The following INPP5A variants were observed in gnomAD, a reference collection of about 807,000 sequenced individuals.
The protein encoded by INPP5A is 43 kDa inositol polyphosphate 5-phophatase.
Under a neutral mutation model 65.2 loss-of-function variants are expected in INPP5A, and 14 were observed. The observed-to-expected ratio is 0.21, with a 90% confidence interval of 0.14 to 0.34. INPP5A has a LOEUF of 0.34. Among genes scored for constraint, INPP5A ranks in the 10% least tolerant of loss-of-function variants. The pLI, the probability that INPP5A is intolerant of heterozygous loss-of-function variation, is 1.00. For missense variants in INPP5A, 431 were observed against 545.6 expected, an observed-to-expected ratio of 0.79 and a Z score of 2.09; for synonymous variants, 207 against 208.3, an observed-to-expected ratio of 0.99 and a Z score of 0.05.
rs554573394 is a variant in INPP5A, at chr10:132,705,034, C to A, written c.475-3279C>A. ...GAAGGGCGTCTGGACAGGTGGCAGG[C>A]GGCTCGTCTGGAGTGCAGGCTGAGT... On this transcript the variant is annotated intron_variant, in intron 6 of 15. Coordinates refer to ENST00000368594, the MANE Select transcript of INPP5A (RefSeq NM_005539.5). The surrounding 1 kb of genome is among the most constrained non-coding windows in gnomAD (Gnocchi z 4.9). Among the ~76,000 whole-genome samples, 1 of 151,970 alleles carries A rather than the reference C, an allele frequency of 6.6e-6. No homozygotes were observed. Among genetic ancestry groups the A allele is most frequent in the Admixed American group, 6.5e-5 (1 of 15,270 alleles).
At chr10:132,589,040 G>A (rs1356174138) in intron 1 of INPP5A, among the ~76,000 whole-genome samples, 4 of 151,170 alleles carry the variant, frequency 2.6e-5, no homozygotes, top group Non-Finnish European at 5.9e-5. Flanking sequence ...GTGGTCCCAC[G>A]TTCTGGTGTG....
At chr10:132,642,020 A>C (rs936214929) in intron 2 of INPP5A, among the ~76,000 whole-genome samples, 2 of 152,236 alleles carry the variant, frequency 1.3e-5, no homozygotes, top group Non-Finnish European at 2.9e-5. Context: ...TTCAGGGCTC[A>C]TGGTCCAGTG....
At chr10:132,731,164 G>A (rs1237578246) in intron 9 of INPP5A, among the ~76,000 whole-genome samples, 1 of 152,218 alleles carries the variant, frequency 6.6e-6, no homozygotes, top group African/African-American at 2.4e-5. Context: ...CAATCCCAGG[G>A]AAGAGTCAGG....
intron 4 of INPP5A, among the ~76,000 whole-genome samples, chr10:132,656,393 G>A (rs1429945651): frequency 2.0e-5 from 3 of 152,234 alleles, no homozygotes; most frequent in African/African-American, 7.2e-5. Flanking sequence ...TCGGGAGAGG[G>A]CTGAGAAGGT....
intron 1 of INPP5A, among the ~76,000 whole-genome samples, chr10:132,543,999 T>G (rs2070937765): frequency 6.6e-6 from 1 of 152,258 alleles, no homozygotes; most frequent in Non-Finnish European, 1.5e-5. Flanking sequence ...AGTCTTGGCA[T>G]TGCTGGGTGA....
intron 11 of INPP5A, among the ~76,000 whole-genome samples, chr10:132,759,557 A>G (rs1262034633): frequency 6.6e-6 from 1 of 151,932 alleles, no homozygotes; most frequent in Admixed American, 6.6e-5. Context: ...GGGGCCCAGC[A>G]TCGGAAGTTC....
chr10:132,774,482 G>A lies in INPP5A; in HGVS notation c.978-3189G>A, dbSNP rs552980488. 3.9e-5 allele frequency among the ~76,000 whole-genome samples: 6 copies of A among 152,340 alleles called. No homozygotes were observed. In the East Asian group the frequency reaches 7.7e-4, roughly 20 times the overall value. On this transcript the variant is annotated intron_variant, in intron 12 of 15. Transcript: ENST00000368594. Reference sequence around the variant, plus strand: ...TCTGAGCACAGCTCGGGGAGTTGGCGTGAACTGTCGCCGTTCACTTGTGGT... The same window carrying A: ...TCTGAGCACAGCTCGGGGAGTTGGCATGAACTGTCGCCGTTCACTTGTGGT...
chr10:132,653,155 G>A (rs1292862561), intron 4 of INPP5A, among the ~76,000 whole-genome samples: 2 of 152,212 alleles, frequency 1.3e-5, no homozygotes, highest in East Asian at 1.9e-4. Context: ...ATACCTGAGA[G>A]CGAGGCACAC....
chr10:132,558,507 G>A (rs1481119044), intron 1 of INPP5A, among the ~76,000 whole-genome samples: 3 of 152,220 alleles, frequency 2.0e-5, no homozygotes, highest in African/African-American at 7.2e-5. Context: ...TCCCTCTGGG[G>A]GCGGGTGGTC....
At chr10:132,701,030 C>G (rs1845428158) in intron 6 of INPP5A, among the ~76,000 whole-genome samples, 1 of 152,204 alleles carries the variant, frequency 6.6e-6, no homozygotes, top group South Asian at 2.1e-4. Context: ...CGGCTGCAAG[C>G]TCTCATGAAG....
intron 1 of INPP5A, 71 bp from the exon 2 acceptor site, chr10:132,607,844 A>G: frequency 6.9e-7 from 1 of 1,449,454 alleles, no homozygotes; most frequent in Admixed American, 1.7e-5. Context: ...TCTTCACAGG[A>G]GCTTGTCCTG....
At chr10:132,567,024 C>T (rs1013579214) in intron 1 of INPP5A, among the ~76,000 whole-genome samples, 2 of 152,236 alleles carry the variant, frequency 1.3e-5, no homozygotes, top group South Asian at 2.1e-4. Flanking sequence ...GGTATTAGTC[C>T]GGCTCCTGTA....
intron 1 of INPP5A, among the ~76,000 whole-genome samples, chr10:132,588,480 T>G (rs1388570055): frequency 1.3e-5 from 2 of 152,248 alleles, no homozygotes; most frequent in African/African-American, 4.8e-5. Context: ...TGCAATGTAT[T>G]TATGGCTGCA....
At chr10:132,643,991 C>T (rs1480824700) in intron 2 of INPP5A, among the ~76,000 whole-genome samples, 4 of 152,156 alleles carry the variant, frequency 2.6e-5, no homozygotes, top group Non-Finnish European at 2.9e-5. Context: ...CCCTCGGACA[C>T]CACAACAAAA....
Position 132,727,876 on chromosome 10 carries a change from G to A in INPP5A, c.732+971G>A, listed in dbSNP as rs368172623. Among the ~76,000 whole-genome samples the A allele has an allele frequency of 3.3e-5, 5 of 152,168 alleles. No homozygotes were observed. The highest frequency in any genetic ancestry group is 2.9e-5 in the Non-Finnish European group (2 of 68,026). On this transcript the variant is annotated intron_variant, in intron 9 of 15. Transcript: ENST00000368594. The surrounding 1 kb of genome is among the most constrained non-coding windows in gnomAD (Gnocchi z 6.5). The stretch of plus-strand genomic sequence containing the variant: ...GACACAGTGAGTTGGATGGGAACAC[G>A]GTGAGTCGAACGGGGACATGGCGGT...
intron 9 of INPP5A, among the ~76,000 whole-genome samples, chr10:132,747,948 G>A (rs1426526968): frequency 6.6e-6 from 1 of 152,146 alleles, no homozygotes; most frequent in African/African-American, 2.4e-5. Flanking sequence ...TACTCGAGGG[G>A]CTGAGGTGGG....
chr10:132,591,442 G>A lies in INPP5A; in HGVS notation c.76-16473G>A, dbSNP rs1206143327. 3.3e-5 allele frequency among the ~76,000 whole-genome samples: 5 copies of A among 152,244 alleles called. No homozygotes were observed. In the South Asian group the frequency reaches 8.3e-4, roughly 25 times the overall value. On this transcript the variant is annotated intron_variant, in intron 1 of 15. Coordinates refer to ENST00000368594, the MANE Select transcript of INPP5A (RefSeq NM_005539.5). ...AGAGGACTGACAGCTCTATGGCGCC[G>A]AGTCATGGTCCCTGGAAACAAGAGA...
At chr10:132,764,903 G>A (rs1475704220) in intron 11 of INPP5A, among the ~76,000 whole-genome samples, 1 of 139,378 alleles carries the variant, frequency 7.2e-6, no homozygotes, top group South Asian at 2.3e-4. Context: ...TCAGGAACAC[G>A]GTCGGGCCAG....
intron 11 of INPP5A, among the ~76,000 whole-genome samples, chr10:132,751,707 G>GC (rs1846481415): frequency 6.7e-6 from 1 of 150,300 alleles, no homozygotes; most frequent in South Asian, 2.1e-4. Flanking sequence ...GGAGGCAGGT[G>GC]CCCAGGAGGT....
Sources: allele counts gnomAD v4.1 joint callset (sites outside exome capture counted in the v4.1 genomes callset), GRCh38; gene constraint gnomAD v4.1.1; non-coding constraint Gnocchi (gnomAD v3.1); transcripts MANE v1.5; gene names NCBI Gene and HGNC (gene_info 2026-07-23, HGNC 2026-07-21).